BACH2: variants seen among roughly 807,000 people sequenced by gnomAD.
BACH2 encodes the protein BACH transcriptional regulator 2.
Under a neutral mutation model 61.8 loss-of-function variants are expected in BACH2, and 5 were observed. The ratio of observed to expected loss-of-function variants is 0.08; its 90% confidence interval spans 0.04 to 0.17. BACH2 has a LOEUF of 0.17. Among genes scored for constraint, BACH2 ranks in the 10% least tolerant of loss-of-function variants. The pLI, the probability that BACH2 is intolerant of heterozygous loss-of-function variation, is 1.00. For synonymous variants in BACH2, 446 were observed against 440.1 expected (o/e 1.01, Z -0.17); for missense variants, 824 against 1,091.1 (o/e 0.76, Z 3.45).
rs1233221379 is a variant in BACH2, at chr6:89,991,755, A to C, written c.243+16847T>G. On this transcript the variant is annotated intron_variant, in intron 6 of 8. Coordinates refer to ENST00000257749, the MANE Select transcript of BACH2 (RefSeq NM_021813.4). ...TCTGGGAGCCAATCAAGGATCACTC[A>C]TTACATTTGGTCTCATTAGTCTCTT... Among the ~76,000 whole-genome samples, 3 of 151,918 alleles carry C rather than the reference A, an allele frequency of 2.0e-5. No individual in the cohort carries two copies. The East Asian group carries it at 5.8e-4, about 29-fold the overall frequency.
Position 90,008,960 on chromosome 6 carries a change from C to G in BACH2, c.-12-104G>C. 2 of 1,375,332 alleles carry G rather than the reference C, an allele frequency of 1.5e-6. No homozygotes were observed. Among genetic ancestry groups the G allele is most frequent in the Admixed American group, 4.6e-5 (2 of 43,630 alleles). 85.2% of individuals were successfully genotyped at this position (1,375,332 alleles called of 1,614,324 possible). Reference sequence around the variant, plus strand: ...AGAAAGAACATCATGGTTCCTGTGTCCCACTGCCATGAGCATGGCAGGAAG... The same window carrying G: ...AGAAAGAACATCATGGTTCCTGTGTGCCACTGCCATGAGCATGGCAGGAAG... On this transcript the variant is annotated intron_variant, in intron 5 of 8. Transcript: ENST00000257749. The surrounding 1 kb of genome is among the most constrained non-coding windows in gnomAD (Gnocchi z 4.1).
chr6:90,257,708 G>A (rs767970834), intron 2 of BACH2, among the ~76,000 whole-genome samples: 21 of 152,122 alleles, frequency 1.4e-4, no homozygotes, highest in South Asian at 8.3e-4. Flanking sequence ...CCAATCTGTA[G>A]GCTGCTACTT....
intron 5 of BACH2, among the ~76,000 whole-genome samples, chr6:90,072,902 G>A (rs905689628): frequency 6.6e-6 from 1 of 151,988 alleles, no homozygotes; most frequent in Admixed American, 6.6e-5. Flanking sequence ...AAACCAACCC[G>A]CTACTGAAAA....
chr6:89,984,528 G>T (rs997786300), intron 6 of BACH2, among the ~76,000 whole-genome samples: 1 of 152,006 alleles, frequency 6.6e-6, no homozygotes, highest in Non-Finnish European at 1.5e-5. Flanking sequence ...CCAAGAATAG[G>T]TGAGTGAAAG....
At chr6:90,140,819 A>T (rs1784434093) in intron 4 of BACH2, among the ~76,000 whole-genome samples, 1 of 152,248 alleles carries the variant, frequency 6.6e-6, no homozygotes, top group African/African-American at 2.4e-5. Context: ...CAATGAAAGT[A>T]TTCCTGGTTG....
chr6:90,159,712 A>G (rs1294512273), intron 4 of BACH2, among the ~76,000 whole-genome samples: 2 of 152,232 alleles, frequency 1.3e-5, no homozygotes, highest in Non-Finnish European at 2.9e-5. Context: ...CCAGGAGAAA[A>G]GGAAATGGAT....
In BACH2 at chr6:90,054,801, C is replaced by T. The variant is rs530235795; in HGVS notation, c.-13+34160G>A. 2.0e-5 allele frequency among the ~76,000 whole-genome samples: 3 copies of T among 152,342 alleles called. No homozygotes were observed. In the South Asian group the frequency reaches 6.2e-4, roughly 32 times the overall value. On this transcript the variant is annotated intron_variant, in intron 5 of 8. Transcript: ENST00000257749. ...TTCCAGAGGAACCATCAGGCAGCAG[C>T]ATCTGTGGTTCACCAATATCTGCTG...
intron 1 of BACH2, among the ~76,000 whole-genome samples, chr6:90,296,184 C>CAATGCGCCTTCG (rs1455159570): frequency 4.6e-5 from 7 of 151,976 alleles, no homozygotes; most frequent in Non-Finnish European, 7.4e-5. Context: ...TTCCAAAACA[C>CAATGCGCCTTCG]CCTTCGACGC....
intron 1 of BACH2, among the ~76,000 whole-genome samples, chr6:90,292,772 G>A (rs1430799905): frequency 6.6e-6 from 1 of 152,216 alleles, no homozygotes; most frequent in Admixed American, 6.5e-5. Context: ...CCCCCAGGCC[G>A]ACACTAGCTC....
At chr6:90,092,547 C>T (rs1373069147) in intron 4 of BACH2, among the ~76,000 whole-genome samples, 1 of 151,904 alleles carries the variant, frequency 6.6e-6, no homozygotes. Context: ...CCTACTACCT[C>T]TCACAGGTTC....
intron 4 of BACH2, among the ~76,000 whole-genome samples, chr6:90,201,739 T>C (rs992371792): frequency 2.6e-5 from 4 of 152,230 alleles, no homozygotes; most frequent in African/African-American, 9.6e-5. Context: ...TATTCTAAGA[T>C]CATTTAATTT....
At chr6:89,982,859 T>C (rs900469591) in intron 6 of BACH2, among the ~76,000 whole-genome samples, 5 of 152,142 alleles carry the variant, frequency 3.3e-5, no homozygotes, top group African/African-American at 4.8e-5. Flanking sequence ...ACGCACAATC[T>C]CCCCCATATC....
rs186549350 is a variant in BACH2, at chr6:90,254,279, A to G, written c.-352-1689T>C. ...CAGACTCAATTAAGTATACAGCATA[A>G]TTTGTTCATGAAAAAATGAGTATGT... On this transcript the variant is annotated intron_variant, in intron 2 of 8. Coordinates refer to ENST00000257749, the MANE Select transcript of BACH2 (RefSeq NM_021813.4). 2.0e-5 allele frequency among the ~76,000 whole-genome samples: 3 copies of G among 152,166 alleles called. No homozygotes were observed. The East Asian group carries it at 5.8e-4, about 29-fold the overall frequency.
chr6:90,179,413 T>C lies in BACH2; in HGVS notation c.-162+27156A>G, dbSNP rs141643225. On this transcript the variant is annotated intron_variant, in intron 4 of 8. Coordinates refer to ENST00000257749, the MANE Select transcript of BACH2 (RefSeq NM_021813.4). Reference sequence around the variant, plus strand: ...ATGTGTTTCAACTACTGCCCCCTCCTGGTGGCATAACCAAAGGTACCTTTC... The same window carrying C: ...ATGTGTTTCAACTACTGCCCCCTCCCGGTGGCATAACCAAAGGTACCTTTC... Among the ~76,000 whole-genome samples, 1,042 of 152,316 alleles carry C rather than the reference T, an allele frequency of 6.8e-3. 14 individuals carry two copies. Among genetic ancestry groups the C allele is most frequent in the African/African-American group, 0.024 (978 of 41,568 alleles).
chr6:89,947,851 G>T (rs569519974), intron 7 of BACH2, among the ~76,000 whole-genome samples: 4 of 152,104 alleles, frequency 2.6e-5, no homozygotes, highest in Non-Finnish European at 5.9e-5. Flanking sequence ...CATTACAGGT[G>T]TGAGCCACCG....
intron 1 of BACH2, among the ~76,000 whole-genome samples, chr6:90,274,530 A>T (rs528733593): frequency 6.6e-6 from 1 of 152,332 alleles, no homozygotes; most frequent in Admixed American, 6.5e-5. Context: ...AGGGCGCACA[A>T]GACAAGCTGG....
At chr6:89,967,653 C>T (rs555145665) in intron 6 of BACH2, among the ~76,000 whole-genome samples, 4 of 152,264 alleles carry the variant, frequency 2.6e-5, no homozygotes, top group Admixed American at 1.3e-4. Flanking sequence ...TGGATGGCAT[C>T]GTCATTTCTT....
At chr6:89,965,838 T>C (rs1031554995) in intron 6 of BACH2, among the ~76,000 whole-genome samples, 4 of 152,146 alleles carry the variant, frequency 2.6e-5, no homozygotes, top group South Asian at 4.1e-4. Context: ...AATCCTCCAA[T>C]AGCCTTGAGA....
chr6:89,963,183 G>T (rs756012144), intron 6 of BACH2, among the ~76,000 whole-genome samples: 4 of 152,172 alleles, frequency 2.6e-5, no homozygotes, highest in Non-Finnish European at 5.9e-5. Flanking sequence ...ACTACAATGA[G>T]ATCTCACCTT....
Sources: allele counts gnomAD v4.1 joint callset (sites outside exome capture counted in the v4.1 genomes callset), GRCh38; gene constraint gnomAD v4.1.1; non-coding constraint Gnocchi (gnomAD v3.1); transcripts MANE v1.5; gene names NCBI Gene and HGNC (gene_info 2026-07-23, HGNC 2026-07-21).